Variants in KCNQ5 observed in about 807,000 individuals in gnomAD.
KCNQ5 encodes the protein potassium voltage-gated channel subfamily Q member 5, also known as potassium voltage-gated channel subfamily KQT member 5.
KCNQ5 carries 30 observed loss-of-function variants against 98.2 expected under a neutral mutation model. That is an observed-to-expected ratio of 0.31 (90% confidence interval 0.23 to 0.41). The LOEUF (loss-of-function observed/expected upper bound fraction) is 0.41, where lower values mean the gene tolerates loss of function less well. Among genes scored for constraint, KCNQ5 ranks in the 10% least tolerant of loss-of-function variants. The pLI is 1.00. For synonymous variants in KCNQ5, 458 were observed against 449.4 expected (o/e 1.02, Z -0.24); for missense variants, 835 against 1,182.5 (o/e 0.71, Z 4.31).
chr6:73,037,069 CA>C (rs1771465982), intron 2 of KCNQ5, among the ~76,000 whole-genome samples: 1 of 152,154 alleles, frequency 6.6e-6, no homozygotes, highest in Non-Finnish European at 1.5e-5. Context: ...GTAGTGATAC[CA>C]TTGCGATCTA....
intron 1 of KCNQ5, among the ~76,000 whole-genome samples, chr6:72,920,621 A>G (rs1205131518): frequency 6.6e-6 from 1 of 152,224 alleles, no homozygotes; most frequent in African/African-American, 2.4e-5. Flanking sequence ...ATTTGAGTGA[A>G]GAAAAAGCCT....
Position 72,836,628 on chromosome 6 carries a change from G to A in KCNQ5, c.399-167280G>A, listed in dbSNP as rs565660917. On this transcript the variant is annotated intron_variant, in intron 1 of 13. Transcript: ENST00000370398. ...TAATTTTTTTTTTTCTGTAGAGACA[G>A]GGTCTCACTGTTTTGCCCAAGCTGG... 9.2e-4 allele frequency among the ~76,000 whole-genome samples: 140 copies of A among 152,078 alleles called. 2 individuals are homozygous for A. The highest frequency in any genetic ancestry group is 3.3e-3 in the African/African-American group (136 of 41,488).
intron 1 of KCNQ5, among the ~76,000 whole-genome samples, chr6:72,700,723 G>A (rs190086043): frequency 3.0e-4 from 46 of 152,270 alleles, no homozygotes; most frequent in Non-Finnish European, 5.6e-4. Context: ...TGGTGGAGCT[G>A]CAACCAGTTC....
At chr6:73,194,221 T>C (rs769665970) in intron 13 of KCNQ5, among the ~76,000 whole-genome samples, 17 of 152,162 alleles carry the variant, frequency 1.1e-4, no homozygotes, top group Non-Finnish European at 1.8e-4. Flanking sequence ...GGGGGAGAGA[T>C]GCTAATAAAG....
At chr6:73,108,775 C>T (rs1430613822) in intron 6 of KCNQ5, among the ~76,000 whole-genome samples, 2 of 151,804 alleles carry the variant, frequency 1.3e-5, no homozygotes, top group Non-Finnish European at 2.9e-5. Flanking sequence ...TGCAGTGAGC[C>T]GAGATCGCTC....
intron 2 of KCNQ5, among the ~76,000 whole-genome samples, chr6:73,012,887 T>C (rs1276514771): frequency 1.3e-5 from 2 of 151,856 alleles, no homozygotes; most frequent in Non-Finnish European, 2.9e-5. Flanking sequence ...GTTAATGATA[T>C]AGCCTACTTC....
chr6:72,642,361 T>A (rs990603047), intron 1 of KCNQ5, among the ~76,000 whole-genome samples: 1 of 152,080 alleles, frequency 6.6e-6, no homozygotes, highest in Admixed American at 6.6e-5. Flanking sequence ...GGGGTACATG[T>A]GCAGGATGTG....
At chr6:72,856,886 C>T (rs933530854) in intron 1 of KCNQ5, among the ~76,000 whole-genome samples, 18 of 152,344 alleles carry the variant, frequency 1.2e-4, no homozygotes, top group Non-Finnish European at 2.9e-5. Context: ...ACCCCAGACC[C>T]TGCCCCTCCC....
At chr6:72,996,037 CA>C (rs1337750383) in intron 1 of KCNQ5, among the ~76,000 whole-genome samples, 1 of 152,134 alleles carries the variant, frequency 6.6e-6, no homozygotes, top group Non-Finnish European at 1.5e-5. Flanking sequence ...TAAAAATAAG[CA>C]AAAGTTTGTC....
chr6:73,192,596 A>C lies in KCNQ5; in HGVS notation c.1741A>C (p.Thr581Pro). 6.2e-7 allele frequency: 1 copy of C among 1,611,418 alleles called. No homozygotes were observed. Among genetic ancestry groups the C allele is most frequent in the Admixed American group, 1.7e-5 (1 of 59,658 alleles). The change falls in exon 13 of 14, where the codon ACA becomes CCA. Residue 581 changes from threonine (T) to proline (P), a missense_variant. Physicochemically the swap from Thr to Pro is conservative, Grantham distance 38 (BLOSUM62 -1). Around this residue, in one of 10 missense-constraint regions of KCNQ5, gnomAD observed 416 missense variants for 446.9 expected, o/e 0.93. Coordinates refer to ENST00000370398, the MANE Select transcript of KCNQ5 (RefSeq NM_019842.4). The part of the protein sequence containing the change: ...VDQILGKGQI[T>P]SDKKSREKIT... ...TCAAATTCTTGGAAAAGGGCAAATC[A>C]CATCAGATAAGAAGAGCCGAGAGAA...
chr6:72,652,488 C>T (rs1765926854), intron 1 of KCNQ5, among the ~76,000 whole-genome samples: 1 of 151,782 alleles, frequency 6.6e-6, no homozygotes, highest in African/African-American at 2.4e-5. Context: ...TTCCTTCTCC[C>T]ACAAAAAGCC....
chr6:72,806,952 G>T (rs746400730), intron 1 of KCNQ5: 14 of 332,286 alleles, frequency 4.2e-5, no homozygotes, highest in Non-Finnish European at 8.0e-5. Flanking sequence ...AGTTTTATAA[G>T]CAGCCTTTGT....
intron 1 of KCNQ5, among the ~76,000 whole-genome samples, chr6:72,811,522 G>A (rs9293914): frequency 0.62 from 93,540 of 151,906 alleles, 29,183 homozygotes; most frequent in African/African-American, 0.73. Context: ...TACTAAAAAA[G>A]AATGCTATAT....
At chr6:72,831,553 G>A (rs767775581) in intron 1 of KCNQ5, among the ~76,000 whole-genome samples, 5 of 148,842 alleles carry the variant, frequency 3.4e-5, no homozygotes, top group African/African-American at 7.5e-5. Flanking sequence ...CACAGGAAGC[G>A]GAACATCACA....
At chr6:72,701,882 C>A (rs1431065894) in intron 1 of KCNQ5, among the ~76,000 whole-genome samples, 1 of 151,870 alleles carries the variant, frequency 6.6e-6, no homozygotes, top group Non-Finnish European at 1.5e-5. Context: ...TCTGTAGAGA[C>A]AGGGTTTTGC....
chr6:73,116,398 G>T (rs762417786), intron 7 of KCNQ5, among the ~76,000 whole-genome samples: 7 of 152,190 alleles, frequency 4.6e-5, no homozygotes, highest in Non-Finnish European at 1.0e-4. Context: ...GACGCAAGTG[G>T]CTCATGCCTG....
intron 1 of KCNQ5, among the ~76,000 whole-genome samples, chr6:73,000,197 A>G (rs1041266111): frequency 4.6e-5 from 7 of 152,076 alleles, no homozygotes; most frequent in Admixed American, 1.3e-4. Flanking sequence ...AAACCTCACT[A>G]TGTCACTGCC....
chr6:72,856,132 A>C (rs1028169662), intron 1 of KCNQ5, among the ~76,000 whole-genome samples: 19 of 152,286 alleles, frequency 1.2e-4, no homozygotes, highest in African/African-American at 4.1e-4. Flanking sequence ...TCTATCATTG[A>C]CTTTTTCCAT....
intron 1 of KCNQ5, among the ~76,000 whole-genome samples, chr6:72,866,240 TCCG>T (rs1777975521): frequency 1.4e-5 from 2 of 145,538 alleles, no homozygotes; most frequent in South Asian, 4.4e-4. Flanking sequence ...TCTAGTTTCC[TCCG>T]CCATCTCCCT....
Sources: allele counts gnomAD v4.1 joint callset (sites outside exome capture counted in the v4.1 genomes callset), GRCh38; gene constraint gnomAD v4.1.1; regional missense constraint gnomAD v4.1.1; transcripts MANE v1.5; gene names NCBI Gene and HGNC (gene_info 2026-07-23, HGNC 2026-07-21).